VPS35L: variants seen among roughly 807,000 people sequenced by gnomAD.
The protein encoded by VPS35L is VPS35 endosomal protein sorting factor like.
A neutral mutation model predicts 133.0 loss-of-function variants in VPS35L; 83 were observed. That is an observed-to-expected ratio of 0.62 (90% confidence interval 0.52 to 0.75). VPS35L has a LOEUF of 0.75. Among genes scored for constraint, VPS35L ranks in the 30% least tolerant of loss-of-function variants. The probability of loss-of-function intolerance (pLI) is 0.00; values close to 1 mark genes in which losing one functional copy is unlikely to be tolerated. For missense variants in VPS35L, 1,083 were observed against 1,206.8 expected (o/e 0.90, Z 1.52); for synonymous variants, 423 against 449.9 (o/e 0.94, Z 0.76).
chr16:19,686,259 C>G (rs943661926), intron 28 of VPS35L, among the ~76,000 whole-genome samples: 7 of 152,100 alleles, frequency 4.6e-5, no homozygotes, highest in African/African-American at 1.7e-4. Context: ...CAGCTTAGAA[C>G]TTGGAAGAGA....
chr16:19,592,242 G>GTTT (rs1164969618), intron 8 of VPS35L, among the ~76,000 whole-genome samples: 3 of 134,084 alleles, frequency 2.2e-5, no homozygotes, highest in Admixed American at 7.6e-5. Flanking sequence ...GCCCAGCTAA[G>GTTT]TTTTTTTTTT....
chr16:19,631,366 C>T (rs1973451321), intron 18 of VPS35L, among the ~76,000 whole-genome samples: 1 of 152,122 alleles, frequency 6.6e-6, no homozygotes, highest in Non-Finnish European at 1.5e-5. Flanking sequence ...CCCAGAACTG[C>T]CTCTCCCTGT....
chr16:19,698,390 G>A (rs571384709), intron 29 of VPS35L, among the ~76,000 whole-genome samples: 21 of 152,182 alleles, frequency 1.4e-4, no homozygotes, highest in Admixed American at 7.9e-4. Flanking sequence ...TCTGATTCTG[G>A]TCGGAGAAAT....
At chr16:19,596,959 C>T (rs1204412242) in intron 8 of VPS35L, among the ~76,000 whole-genome samples, 3 of 151,940 alleles carry the variant, frequency 2.0e-5, no homozygotes, top group Admixed American at 2.0e-4. Context: ...GCAGAGGTTG[C>T]AGTGAACTGA....
intron 23 of VPS35L, among the ~76,000 whole-genome samples, chr16:19,647,206 T>C (rs1973978205): frequency 6.6e-6 from 1 of 152,254 alleles, no homozygotes; most frequent in South Asian, 2.1e-4. Context: ...ATTTATCTTT[T>C]TACGGCATTG....
intron 25 of VPS35L, 134 bp from the exon 26 acceptor site, chr16:19,651,842 G>T: frequency 1.4e-6 from 1 of 699,058 alleles, no homozygotes; most frequent in Non-Finnish European, 2.5e-6. Flanking sequence ...TGTACAAGAG[G>T]GGAAAATGGG....
chr16:19,573,759 G>A (rs752825943), intron 4 of VPS35L, among the ~76,000 whole-genome samples: 3 of 152,098 alleles, frequency 2.0e-5, no homozygotes, highest in Non-Finnish European at 4.4e-5. Context: ...GTTACATTGC[G>A]CAGAGATCAC....
intron 28 of VPS35L, among the ~76,000 whole-genome samples, chr16:19,686,982 C>T (rs1467401891): frequency 6.6e-6 from 1 of 152,158 alleles, no homozygotes; most frequent in East Asian, 1.9e-4. Flanking sequence ...GCCTGGGCGA[C>T]AGAGCAAGAC....
chr16:19,570,834 CATATATATATAT>C (rs58794831), intron 3 of VPS35L, among the ~76,000 whole-genome samples: 1,555 of 78,566 alleles, frequency 0.02, 32 homozygotes, highest in Middle Eastern at 0.029. Context: ...TGCTGTGTTT[CATATATATATAT>C]ATATATATAT....
intron 26 of VPS35L, among the ~76,000 whole-genome samples, chr16:19,666,873 TTTC>T (rs1974681022): frequency 1.2e-5 from 1 of 80,372 alleles, no homozygotes; most frequent in African/African-American, 5.0e-5. Context: ...GGGCCATGTT[TTTC>T]TTTCTTTCTT....
chr16:19,585,441 C>T (rs2151521507), intron 7 of VPS35L, among the ~76,000 whole-genome samples: 1 of 145,110 alleles, frequency 6.9e-6, no homozygotes, highest in South Asian at 2.2e-4. Flanking sequence ...GGGTCTCTGT[C>T]ACCCAGGCTG....
At position 19,637,922 on chromosome 16, in the gene VPS35L, A is replaced by G. The variant is rs114370277; in HGVS notation, c.1698+266A>G. ...TATGTATAAGTAAGGGCATTACACA[A>G]CTTCTCAAACCTTCAAAACACTTTG... On this transcript the variant is annotated intron_variant, in intron 20 of 30. Coordinates refer to ENST00000417362, the MANE Select transcript of VPS35L (RefSeq NM_020314.7). Among the ~76,000 whole-genome samples, 768 of 152,250 alleles carry G rather than the reference A, an allele frequency of 5.0e-3. 7 individuals are homozygous for G. The highest frequency in any genetic ancestry group is 0.018 in the African/African-American group (737 of 41,530).
intron 1 of VPS35L, among the ~76,000 whole-genome samples, chr16:19,561,695 G>A (rs959896215): frequency 1.3e-5 from 2 of 152,142 alleles, no homozygotes; most frequent in African/African-American, 4.8e-5. Flanking sequence ...TGCTCTTTGA[G>A]GTTCCTCTTT....
chr16:19,678,725 G>A (rs1436664067), intron 27 of VPS35L, among the ~76,000 whole-genome samples: 1 of 151,854 alleles, frequency 6.6e-6, no homozygotes, highest in East Asian at 1.9e-4. Flanking sequence ...CAGTCCACCT[G>A]CCTCGGCCTC....
chr16:19,600,460 C>T (rs1272176983), intron 8 of VPS35L, among the ~76,000 whole-genome samples: 2 of 152,156 alleles, frequency 1.3e-5, no homozygotes, highest in East Asian at 1.9e-4. Context: ...TTTATTGGAA[C>T]GCAGCCACAT....
chr16:19,646,166 G>A (rs144510850), intron 23 of VPS35L, among the ~76,000 whole-genome samples: 54 of 152,210 alleles, frequency 3.5e-4, no homozygotes, highest in African/African-American at 9.9e-4. Flanking sequence ...GGCGTGGCAC[G>A]ATTGGGCTGG....
intron 1 of VPS35L, among the ~76,000 whole-genome samples, chr16:19,563,848 C>T (rs910141385): frequency 6.6e-6 from 1 of 152,196 alleles, no homozygotes; most frequent in African/African-American, 2.4e-5. Context: ...TAGCCCTGAA[C>T]TCCTGTTTAT....
intron 2 of VPS35L, 93 bp from the exon 3 acceptor site, chr16:19,569,331 C>A: frequency 7.1e-7 from 1 of 1,412,612 alleles, no homozygotes; most frequent in Non-Finnish European, 1.0e-6. Flanking sequence ...ACCATCCATT[C>A]AACTACCAGA....
intron 26 of VPS35L, among the ~76,000 whole-genome samples, chr16:19,663,867 T>G (rs1256659191): frequency 6.6e-6 from 1 of 152,058 alleles, no homozygotes; most frequent in Non-Finnish European, 1.5e-5. Context: ...GCCCTTATTT[T>G]CAGCTTCTGT....
Sources: gnomAD v4.1 joint callset for allele counts (sites outside exome capture counted in the v4.1 genomes callset) on GRCh38, gnomAD v4.1.1 for gene constraint, MANE v1.5 for transcripts, NCBI Gene and HGNC (gene_info 2026-07-23, HGNC 2026-07-21) for gene names.